NEK11: variants seen among roughly 807,000 people sequenced by gnomAD.
The protein encoded by NEK11 is serine/threonine-protein kinase Nek11.
NEK11 carries 72 observed loss-of-function variants against 80.7 expected under a neutral mutation model. That is an observed-to-expected ratio of 0.89 (90% confidence interval 0.74 to 1.08). The LOEUF is 1.08. Among genes scored for constraint, NEK11 ranks in the 50% least tolerant of loss-of-function variants. NEK11 has a pLI of 0.00. For synonymous variants in NEK11, 251 were observed against 260.7 expected (o/e 0.96, Z 0.36); for missense variants, 764 against 763.6 (o/e 1.00, Z -0.01).
chr3:131,237,453 T>G (rs947171577), intron 15 of NEK11, among the ~76,000 whole-genome samples: 1 of 152,204 alleles, frequency 6.6e-6, no homozygotes, highest in Non-Finnish European at 1.5e-5. Flanking sequence ...ATAGACATAG[T>G]TCCACCTTCA....
intron 16 of NEK11, among the ~76,000 whole-genome samples, chr3:131,269,785 G>T (rs745769602): frequency 2.0e-5 from 3 of 152,202 alleles, no homozygotes; most frequent in Non-Finnish European, 4.4e-5. Context: ...TCTAGAACCA[G>T]GGCTTCATGG....
intron 16 of NEK11, among the ~76,000 whole-genome samples, chr3:131,257,321 G>A (rs2095835079): frequency 6.6e-6 from 1 of 151,894 alleles, no homozygotes; most frequent in Non-Finnish European, 1.5e-5. Flanking sequence ...GCAGAGGCTG[G>A]TCATATTTCT....
At chr3:131,150,377 T>G (rs1057486406) in intron 7 of NEK11, among the ~76,000 whole-genome samples, 1 of 151,970 alleles carries the variant, frequency 6.6e-6, no homozygotes, top group Non-Finnish European at 1.5e-5. Flanking sequence ...CTTTATTGAT[T>G]TTTTTAATTC....
At chr3:131,191,311 G>C (rs2093784487) in intron 14 of NEK11, among the ~76,000 whole-genome samples, 1 of 152,114 alleles carries the variant, frequency 6.6e-6, no homozygotes, top group Non-Finnish European at 1.5e-5. Flanking sequence ...AGATGTCACT[G>C]GCCTGCATTC....
At chr3:131,217,648 A>G (rs897160552) in intron 14 of NEK11, among the ~76,000 whole-genome samples, 3 of 151,964 alleles carry the variant, frequency 2.0e-5, no homozygotes, top group Admixed American at 1.3e-4. Context: ...ATCGGCCACC[A>G]TCTCACTCTG....
intron 15 of NEK11, among the ~76,000 whole-genome samples, chr3:131,231,505 C>T (rs1049886895): frequency 1.3e-5 from 2 of 149,700 alleles, no homozygotes; most frequent in East Asian, 4.1e-4. Context: ...AAAAACAATA[C>T]ACAGTAGAGC....
chr3:131,031,526 G>A (rs1215148615), intron 3 of NEK11, among the ~76,000 whole-genome samples: 2 of 152,056 alleles, frequency 1.3e-5, no homozygotes, highest in African/African-American at 4.8e-5. Context: ...ATTCACAGGA[G>A]GACTAAAAAG....
intron 14 of NEK11, among the ~76,000 whole-genome samples, chr3:131,220,804 A>AAGCTCCAGCCTAACAGC (rs1369485599): frequency 1.3e-5 from 2 of 152,176 alleles, no homozygotes; most frequent in Non-Finnish European, 2.9e-5. Context: ...CACCTGGAGA[A>AAGCTCCAGCCTAACAGC]AGCTCCAGCC....
chr3:131,306,266 G>A (rs532125427), intron 17 of NEK11, among the ~76,000 whole-genome samples: 2 of 152,150 alleles, frequency 1.3e-5, no homozygotes, highest in South Asian at 2.1e-4. Flanking sequence ...CTTTTAATAT[G>A]TCTTATAATT....
At chr3:131,173,213 C>A (rs901836161) in intron 14 of NEK11, among the ~76,000 whole-genome samples, 2 of 152,158 alleles carry the variant, frequency 1.3e-5, no homozygotes, top group African/African-American at 2.4e-5. Context: ...AATAAACTTG[C>A]CTCCACTTTT....
intron 17 of NEK11, among the ~76,000 whole-genome samples, chr3:131,303,483 A>G (rs2096685256): frequency 6.6e-6 from 1 of 152,128 alleles, no homozygotes. Context: ...TCCTTTTCAT[A>G]TTTAGCACTC....
chr3:131,065,719 A>G (rs1383405149), intron 3 of NEK11, among the ~76,000 whole-genome samples: 1 of 152,054 alleles, frequency 6.6e-6, no homozygotes, highest in Non-Finnish European at 1.5e-5. Context: ...TCTAACTATA[A>G]ACTTCAGGTT....
chr3:131,058,837 A>G (rs1205545080), intron 3 of NEK11, among the ~76,000 whole-genome samples: 3 of 152,208 alleles, frequency 2.0e-5, no homozygotes, highest in Non-Finnish European at 4.4e-5. Flanking sequence ...ATCCCTGGTT[A>G]CAACTGAGGT....
At chr3:131,210,379 T>A (rs979952666) in intron 14 of NEK11, among the ~76,000 whole-genome samples, 1 of 152,146 alleles carries the variant, frequency 6.6e-6, no homozygotes, top group Non-Finnish European at 1.5e-5. Context: ...TGCTGAGGAG[T>A]GCTTTACTTC....
intron 4 of NEK11, among the ~76,000 whole-genome samples, chr3:131,089,242 A>G (rs1399637960): frequency 6.6e-6 from 1 of 152,188 alleles, no homozygotes; most frequent in Non-Finnish European, 1.5e-5. Flanking sequence ...CCTTGGGTCT[A>G]TGTGGATTTA....
intron 5 of NEK11, among the ~76,000 whole-genome samples, chr3:131,120,521 G>T (rs114444299): frequency 0.013 from 2,012 of 152,212 alleles, 40 homozygotes; most frequent in African/African-American, 0.045. Context: ...TTGAATATTG[G>T]CCTGCCTTGC....
At chr3:131,320,851 G>T (rs1581903854) in intron 17 of NEK11, among the ~76,000 whole-genome samples, 2 of 152,090 alleles carry the variant, frequency 1.3e-5, no homozygotes, top group Admixed American at 6.6e-5. Flanking sequence ...AATCATAGAT[G>T]ACACAAACAA....
At chr3:131,037,288 A>ATTT (rs11391510) in intron 3 of NEK11, among the ~76,000 whole-genome samples, 12 of 146,120 alleles carry the variant, frequency 8.2e-5, no homozygotes, top group Non-Finnish European at 1.3e-4. Flanking sequence ...AACTTCATCC[A>ATTT]TTTTTTTTTT....
At chr3:131,156,719 G>A (rs1219171595) in intron 10 of NEK11, among the ~76,000 whole-genome samples, 1 of 151,940 alleles carries the variant, frequency 6.6e-6, no homozygotes, top group Non-Finnish European at 1.5e-5. Flanking sequence ...ACCTCTCTAT[G>A]ACTATAAAAA....
Sources: gnomAD v4.1 joint callset for allele counts (sites outside exome capture counted in the v4.1 genomes callset) on GRCh38, gnomAD v4.1.1 for gene constraint, MANE v1.5 for transcripts, NCBI Gene and HGNC (gene_info 2026-07-23, HGNC 2026-07-21) for gene names.